The following CCDC30 variants were observed in gnomAD, a reference collection of about 807,000 sequenced individuals.
The protein encoded by CCDC30 is coiled-coil domain containing 30.
In CCDC30, 70 loss-of-function variants were observed where a neutral mutation model predicts 100.2. The observed-to-expected ratio is 0.70, with a 90% CI of 0.58 to 0.85. The LOEUF (loss-of-function observed/expected upper bound fraction) is 0.85, where lower values mean the gene tolerates loss of function less well. Among genes scored for constraint, CCDC30 ranks in the 40% least tolerant of loss-of-function variants. The pLI, the probability that CCDC30 is intolerant of heterozygous loss-of-function variation, is 0.00. For missense variants in CCDC30, 652 were observed against 771.2 expected (o/e 0.85, Z 1.83); for synonymous variants, 233 against 269.5 (o/e 0.86, Z 1.33).
chr1:42,567,535 G>T (rs1645632390), intron 7 of CCDC30, among the ~76,000 whole-genome samples: 1 of 152,322 alleles, frequency 6.6e-6, no homozygotes. Flanking sequence ...TTCAAGGAAG[G>T]CCTTCTAAGG....
the CCDC30 span, chr1:42,456,167 GAAGA>G: frequency 4.7e-6 from 3 of 636,888 alleles, no homozygotes; most frequent in Middle Eastern, 4.2e-4. Context: ...TGGAAAAGGG[GAAGA>G]AAGAAAGAAA....
At chr1:42,539,400 G>T in intron 6 of CCDC30, 90 bp downstream of exon 8, 1 of 1,216,794 alleles carries the variant, frequency 8.2e-7, no homozygotes. Flanking sequence ...AGCAACAGAT[G>T]ATTTGGGAAT....
chr1:42,649,923 A>G (rs1457751281), intron 15 of CCDC30, among the ~76,000 whole-genome samples: 1 of 152,216 alleles, frequency 6.6e-6, no homozygotes, highest in Non-Finnish European at 1.5e-5. Context: ...AAAACTACAA[A>G]ACTTTGATGA....
intron 9 of CCDC30, 99 bp from the exon 14 acceptor site, chr1:42,589,222 C>G (rs1404115575): frequency 2.4e-6 from 2 of 829,046 alleles, no homozygotes; most frequent in Non-Finnish European, 3.6e-6. Context: ...CTTCATTGAA[C>G]CAAAAAAAAA....
At chr1:42,472,618 G>A (rs1643807994) in intron 1 of CCDC30, among the ~76,000 whole-genome samples, 1 of 151,364 alleles carries the variant, frequency 6.6e-6, no homozygotes, top group Admixed American at 6.6e-5. Flanking sequence ...TCAGATAAAA[G>A]TTGCAAACTT....
At chr1:42,614,911 T>C (rs2148648568) in intron 11 of CCDC30, among the ~76,000 whole-genome samples, 1 of 152,248 alleles carries the variant, frequency 6.6e-6, no homozygotes, top group African/African-American at 2.4e-5. Context: ...TTCTGATTTC[T>C]GCCTGTCCTA....
chr1:42,622,460 G>A (rs1029825802), intron 11 of CCDC30, among the ~76,000 whole-genome samples: 6 of 152,086 alleles, frequency 3.9e-5, no homozygotes, highest in Non-Finnish European at 7.4e-5. Flanking sequence ...ACTCAGCAGC[G>A]GGATTGCTCA....
chr1:42,556,034 G>T lies in CCDC30; in HGVS notation c.457-10262G>T, dbSNP rs556526478. 46 of 941,516 alleles carry T rather than the reference G, an allele frequency of 4.9e-5. No homozygotes were observed. In the East Asian group the frequency reaches 1.2e-3, roughly 24 times the overall value. 58.3% of individuals were successfully genotyped at this position (941,516 alleles called of 1,614,324 possible). On this transcript the variant is annotated intron_variant, in intron 6 of 16. Coordinates refer to ENST00000668663, the Ensembl canonical transcript of CCDC30. ...TATTTTTAAGAATAAGATGACTGTT[G>T]TGCTATAGAATTCAGGTTGAAAATC...
intron 6 of CCDC30, among the ~76,000 whole-genome samples, chr1:42,531,597 C>CA (rs1644806939): frequency 6.6e-6 from 1 of 151,898 alleles, no homozygotes. Context: ...CCCACCTCCA[C>CA]AAAAAAATAC....
intron 11 of CCDC30, among the ~76,000 whole-genome samples, chr1:42,617,227 C>A (rs1397619725): frequency 6.6e-6 from 1 of 152,066 alleles, no homozygotes; most frequent in Non-Finnish European, 1.5e-5. Context: ...TCACTTGAAC[C>A]CAGGAGTTCA....
At chr1:42,549,051 G>C (rs953828358) in intron 6 of CCDC30, among the ~76,000 whole-genome samples, 1 of 152,162 alleles carries the variant, frequency 6.6e-6, no homozygotes, top group African/African-American at 2.4e-5. Context: ...ACCTTCAGGA[G>C]ATCTTCCAAC....
chr1:42,632,932 C>T (rs1647068461), intron 11 of CCDC30, among the ~76,000 whole-genome samples: 1 of 151,902 alleles, frequency 6.6e-6, no homozygotes, highest in Admixed American at 6.5e-5. Flanking sequence ...GCTTCAGTCT[C>T]CTGAGTAGCT....
At chr1:42,474,850 GTTA>G (rs1239047131) in intron 1 of CCDC30, among the ~76,000 whole-genome samples, 13 of 152,130 alleles carry the variant, frequency 8.5e-5, no homozygotes, top group Admixed American at 7.9e-4. Flanking sequence ...CTTTCTACCT[GTTA>G]TTATGCACAT....
At chr1:42,626,695 T>A (rs1344938478) in intron 11 of CCDC30, among the ~76,000 whole-genome samples, 1 of 152,158 alleles carries the variant, frequency 6.6e-6, no homozygotes, top group African/African-American at 2.4e-5. Context: ...TTTACTGTGC[T>A]ATTCTTGTGA....
At chr1:42,638,861 A>G (rs919508467) in intron 12 of CCDC30, among the ~76,000 whole-genome samples, 1 of 152,080 alleles carries the variant, frequency 6.6e-6, no homozygotes, top group Non-Finnish European at 1.5e-5. Context: ...GGGGGACAAG[A>G]GCAAAACTCC....
At chr1:42,621,818 G>A (rs1646841712) in intron 11 of CCDC30, among the ~76,000 whole-genome samples, 1 of 151,424 alleles carries the variant, frequency 6.6e-6, no homozygotes, top group Admixed American at 6.6e-5. Flanking sequence ...GCCTAATTTT[G>A]TTTATGTTTG....
chr1:42,456,828 C>T, the CCDC30 span: 1 of 1,613,464 alleles, frequency 6.2e-7, no homozygotes, highest in Non-Finnish European at 8.5e-7. Context: ...CGCGCTCGCT[C>T]TGCCTTCCCC....
At chr1:42,647,796 G>A (rs1648008323) in intron 15 of CCDC30, among the ~76,000 whole-genome samples, 1 of 152,102 alleles carries the variant, frequency 6.6e-6, no homozygotes, top group Non-Finnish European at 1.5e-5. Context: ...CAAACACATG[G>A]AAATAAAACA....
At chr1:42,556,438 T>A in intron 6 of CCDC30, 33 bp downstream of exon 10, 1 of 1,548,440 alleles carries the variant, frequency 6.5e-7, no homozygotes, top group Non-Finnish European at 8.7e-7. Context: ...CTGACTGGGT[T>A]CGTTTCCTCT....
Sources: allele counts gnomAD v4.1 joint callset (sites outside exome capture counted in the v4.1 genomes callset), GRCh38; gene constraint gnomAD v4.1.1; transcripts MANE v1.5; gene names NCBI Gene and HGNC (gene_info 2026-07-23, HGNC 2026-07-21).